The following TPTE variants were observed in gnomAD, a reference collection of about 807,000 sequenced individuals.
TPTE encodes the protein putative tyrosine-protein phosphatase TPTE.
TPTE carries 59 observed loss-of-function variants against 84.1 expected under a neutral mutation model. The observed-to-expected ratio is 0.70, with a 90% confidence interval of 0.57 to 0.87. The LOEUF (loss-of-function observed/expected upper bound fraction) is 0.87. Ranked by LOEUF, TPTE falls within the 40% of genes least tolerant of loss-of-function variation. TPTE has a pLI of 0.00. For synonymous variants in TPTE, 130 were observed against 223.5 expected (o/e 0.58, Z 3.73); for missense variants, 382 against 659.6 (o/e 0.58, Z 4.61).
chr21:10,547,254 T>G (rs2074485674), intron 7 of TPTE, among the ~76,000 whole-genome samples: 1 of 152,306 alleles, frequency 6.6e-6, no homozygotes, highest in African/African-American at 2.4e-5. Flanking sequence ...AATACACATC[T>G]GAGATTTGAT....
intron 17 of TPTE, among the ~76,000 whole-genome samples, chr21:10,587,494 T>A (rs1430462071): frequency 4.6e-5 from 7 of 152,310 alleles, no homozygotes. Flanking sequence ...CCTGCATTAA[T>A]TTGCTCAGGA....
chr21:10,602,793 G>C (rs1249418118), intron 22 of TPTE: 2 of 517,978 alleles, frequency 3.9e-6, no homozygotes, highest in Non-Finnish European at 7.7e-6. Context: ...AGCCATCCAG[G>C]AGACCTGTGC....
intron 7 of TPTE, among the ~76,000 whole-genome samples, chr21:10,544,048 G>A (rs532407752): frequency 2.3e-4 from 35 of 152,412 alleles, no homozygotes; most frequent in Non-Finnish European, 3.4e-4. Flanking sequence ...AGCATGATCA[G>A]TGAAAGGAAG....
At chr21:10,588,464 T>C (rs1275222213) in intron 17 of TPTE, among the ~76,000 whole-genome samples, 7 of 152,306 alleles carry the variant, frequency 4.6e-5, no homozygotes, top group African/African-American at 1.7e-4. Flanking sequence ...ACAGTGACCT[T>C]GGATAGTCTG....
At chr21:10,542,081 AC>A (rs2074379714) in intron 5 of TPTE, among the ~76,000 whole-genome samples, 1 of 152,308 alleles carries the variant, frequency 6.6e-6, no homozygotes, top group Non-Finnish European at 1.5e-5. Flanking sequence ...AGGGCTGACT[AC>A]CTACAAATTG....
chr21:10,523,959 G>A (rs2074034410), intron 1 of TPTE, among the ~76,000 whole-genome samples: 1 of 152,310 alleles, frequency 6.6e-6, no homozygotes, highest in African/African-American at 2.4e-5. Context: ...TCCAGCACCT[G>A]TTGTTTCCTG....
chr21:10,526,998 A>G (rs1314904664), intron 2 of TPTE, among the ~76,000 whole-genome samples: 1 of 152,310 alleles, frequency 6.6e-6, no homozygotes, highest in African/African-American at 2.4e-5. Flanking sequence ...ATCCACTTTA[A>G]GTTCACAAAA....
At chr21:10,552,159 G>GGT (rs2074587534) in intron 7 of TPTE, among the ~76,000 whole-genome samples, 1 of 152,308 alleles carries the variant, frequency 6.6e-6, no homozygotes, top group Non-Finnish European at 1.5e-5. Flanking sequence ...TTTTAATTAA[G>GGT]GTATATACAT....
chr21:10,564,795 C>A (rs1445766193), intron 10 of TPTE, among the ~76,000 whole-genome samples: 7 of 152,310 alleles, frequency 4.6e-5, no homozygotes, highest in African/African-American at 1.7e-4. Context: ...TGATAAAATT[C>A]AACATCCCTT....
In TPTE at chr21:10,542,440, G is replaced by A. The variant is rs468525; in HGVS notation, c.111G>A (p.Ala37=). The A allele has an allele frequency of 0.081, 115,398 of 1,419,780 alleles. 147 individuals are homozygous for A. The highest frequency in any genetic ancestry group is 0.43 in the African/African-American group (27,661 of 63,958). 87.9% of individuals were successfully genotyped at this position (1,419,780 alleles called of 1,614,324 possible). The part of the protein sequence containing the change: ...EFKGATEEAP[A]KESPHTSEFK... Reference sequence around the variant, plus strand: ...AAGGAGCAACCGAGGAGGCACCTGCGAAAGAAAGGTGAGCAATAAATAGTT... The same window carrying A: ...AAGGAGCAACCGAGGAGGCACCTGCAAAAGAAAGGTGAGCAATAAATAGTT... Residue 37 remains alanine, a synonymous_variant, in exon 6 of 24, where the codon GCG becomes GCA. Transcript: ENST00000618007.
At chr21:10,605,287 A>G (rs564894658) in intron 23 of TPTE, 130 bp from the exon 24 acceptor site, 49 of 1,307,506 alleles carry the variant, frequency 3.7e-5, no homozygotes, top group Admixed American at 1.2e-4. Context: ...CTGAGACACA[A>G]AAAAAGGGCT....
chr21:10,528,613 C>T (rs1600851851), intron 3 of TPTE, among the ~76,000 whole-genome samples: 1 of 152,308 alleles, frequency 6.6e-6, no homozygotes, highest in Admixed American at 6.5e-5. Flanking sequence ...TTCATGTGTT[C>T]AAATATAATT....
chr21:10,565,343 A>C (rs1375057174), intron 10 of TPTE, among the ~76,000 whole-genome samples: 1 of 152,310 alleles, frequency 6.6e-6, no homozygotes, highest in East Asian at 1.9e-4. Context: ...AACACTGATG[A>C]AAGAAATTGA....
chr21:10,555,211 T>C (rs1443732314), intron 8 of TPTE, among the ~76,000 whole-genome samples: 12 of 152,294 alleles, frequency 7.9e-5, no homozygotes, highest in Non-Finnish European at 1.5e-4. Flanking sequence ...TATCTTTTTT[T>C]CTCTCTTTTT....
intron 4 of TPTE, among the ~76,000 whole-genome samples, chr21:10,539,843 C>T (rs2074335388): frequency 6.6e-6 from 1 of 152,306 alleles, no homozygotes; most frequent in South Asian, 2.1e-4. Flanking sequence ...AACCCCATCT[C>T]TACTAAAAAT....
intron 9 of TPTE, among the ~76,000 whole-genome samples, chr21:10,560,266 T>A (rs2074770887): frequency 6.6e-6 from 1 of 152,312 alleles, no homozygotes; most frequent in African/African-American, 2.4e-5. Flanking sequence ...ACAATTTACT[T>A]AGACTCTTCT....
At chr21:10,580,792 A>G (rs374632118) in intron 17 of TPTE, among the ~76,000 whole-genome samples, 1 of 152,306 alleles carries the variant, frequency 6.6e-6, no homozygotes, top group African/African-American at 2.4e-5. Flanking sequence ...CAGAGATGCT[A>G]TATCAAAAAT....
intron 14 of TPTE, among the ~76,000 whole-genome samples, chr21:10,575,588 A>G (rs540102806): frequency 1.3e-5 from 2 of 152,428 alleles, no homozygotes; most frequent in African/African-American, 4.8e-5. Flanking sequence ...AGGGGTCTCC[A>G]GCCACCTCTT....
chr21:10,579,575 T>C (rs2075234304), intron 17 of TPTE, among the ~76,000 whole-genome samples: 1 of 152,310 alleles, frequency 6.6e-6, no homozygotes, highest in Non-Finnish European at 1.5e-5. Context: ...TAACCACCAT[T>C]CTACTCTCTG....
Sources: allele counts gnomAD v4.1 joint callset (sites outside exome capture counted in the v4.1 genomes callset), GRCh38; gene constraint gnomAD v4.1.1; transcripts MANE v1.5; gene names NCBI Gene and HGNC (gene_info 2026-07-23, HGNC 2026-07-21).